The following NT5DC1 variants were observed in gnomAD, a reference collection of about 807,000 sequenced individuals.
The protein encoded by NT5DC1 is 5'-nucleotidase domain containing 1.
In NT5DC1, 42 loss-of-function variants were observed where a neutral mutation model predicts 59.4. That is an observed-to-expected ratio of 0.71 (90% CI 0.55 to 0.92). The LOEUF (loss-of-function observed/expected upper bound fraction) is 0.92, where lower values mean the gene tolerates loss of function less well. NT5DC1 is among the 40% of genes least tolerant of loss of function. NT5DC1 has a pLI of 0.00. For missense variants in NT5DC1, 501 were observed against 537.1 expected (o/e 0.93, Z 0.66); for synonymous variants, 172 against 188.1 (o/e 0.91, Z 0.70).
rs1222288508 is a variant in NT5DC1 at position 116,110,960 on chromosome 6, T to A, written c.364+4T>A. The A allele has an allele frequency of 6.3e-7, 1 of 1,585,610 alleles. No individual in the cohort carries two copies. Among genetic ancestry groups the A allele is most frequent in the African/African-American group, 1.3e-5 (1 of 74,468 alleles). ...ACTGGAATGGCTTGCCGCTCAGGTA[T>A]GACTCAAATGAGGCAGCTCCACCAT... On this transcript the variant is annotated splice_donor_region_variant and intron_variant, in intron 4 of 11. Coordinates refer to ENST00000319550, the MANE Select transcript of NT5DC1 (RefSeq NM_152729.3).
intron 6 of NT5DC1, among the ~76,000 whole-genome samples, chr6:116,153,068 A>C (rs566065096): frequency 6.6e-6 from 1 of 152,008 alleles, no homozygotes; most frequent in African/African-American, 2.4e-5. Context: ...GAGGTAGGCT[A>C]ATATATAACA....
At chr6:116,181,733 A>G (rs1386263306) in intron 6 of NT5DC1, among the ~76,000 whole-genome samples, 3 of 152,242 alleles carry the variant, frequency 2.0e-5, no homozygotes, top group African/African-American at 4.8e-5. Context: ...AAAAAAGTGC[A>G]CAAGATTGAG....
At chr6:116,161,232 C>T (rs1220320187) in intron 6 of NT5DC1, among the ~76,000 whole-genome samples, 1 of 149,948 alleles carries the variant, frequency 6.7e-6, no homozygotes, top group Non-Finnish European at 1.5e-5. Context: ...GGGAGATATA[C>T]CTAATGCTAG....
intron 4 of NT5DC1, among the ~76,000 whole-genome samples, chr6:116,113,529 T>C (rs377421090): frequency 6.6e-6 from 1 of 152,196 alleles, no homozygotes; most frequent in Non-Finnish European, 1.5e-5. Flanking sequence ...TCATGTGGTG[T>C]AGTGTCAGAG....
At chr6:116,164,449 C>T (rs1780416972) in intron 6 of NT5DC1, among the ~76,000 whole-genome samples, 1 of 152,120 alleles carries the variant, frequency 6.6e-6, no homozygotes, top group African/African-American at 2.4e-5. Flanking sequence ...TATCTTTCTC[C>T]ACCCCTTTAC....
At chr6:116,120,298 T>C (rs1779073824) in intron 6 of NT5DC1, 1 of 1,614,120 alleles carries the variant, frequency 6.2e-7, no homozygotes, top group African/African-American at 1.3e-5. Context: ...CATGAGTCCC[T>C]TTCACATGCA....
chr6:116,147,502 G>A lies in NT5DC1; in HGVS notation c.529+29557G>A, dbSNP rs557286233. The stretch of plus-strand genomic sequence containing the variant: ...ACTGGGAGAAAAATTTCCAACTCAT[G>A]TAATGGAGCTATAGTCCTAATATAT... On this transcript the variant is annotated intron_variant, in intron 6 of 11. Coordinates refer to ENST00000319550, the MANE Select transcript of NT5DC1 (RefSeq NM_152729.3). Among the ~76,000 whole-genome samples the A allele has an allele frequency of 2.6e-5, 4 of 152,112 alleles. No homozygotes were observed. The South Asian group carries it at 8.3e-4, about 32-fold the overall frequency.
At chr6:116,117,537 T>C (rs1363009692) in intron 5 of NT5DC1, among the ~76,000 whole-genome samples, 1 of 152,212 alleles carries the variant, frequency 6.6e-6, no homozygotes, top group Non-Finnish European at 1.5e-5. Flanking sequence ...TTAGCCTAGC[T>C]TATCTTAAAC....
At chr6:116,216,571 G>A (rs1293591145) in intron 6 of NT5DC1, among the ~76,000 whole-genome samples, 1 of 151,720 alleles carries the variant, frequency 6.6e-6, no homozygotes, top group Non-Finnish European at 1.5e-5. Context: ...GCTTTTATTT[G>A]AGAGACTTTC....
chr6:116,176,737 A>C (rs575783176), intron 6 of NT5DC1, among the ~76,000 whole-genome samples: 1 of 152,018 alleles, frequency 6.6e-6, no homozygotes, highest in African/African-American at 2.4e-5. Context: ...CTTTTGTTTC[A>C]TTAGCATGAA....
chr6:116,181,094 C>T (rs929306540), intron 6 of NT5DC1, among the ~76,000 whole-genome samples: 10 of 151,674 alleles, frequency 6.6e-5, no homozygotes, highest in African/African-American at 9.7e-5. Flanking sequence ...CAGAGGTACA[C>T]GAGATACATA....
chr6:116,123,430 A>G (rs1327694233), intron 6 of NT5DC1, among the ~76,000 whole-genome samples: 1 of 152,188 alleles, frequency 6.6e-6, no homozygotes, highest in Non-Finnish European at 1.5e-5. Flanking sequence ...CTCAAGGTAA[A>G]ACGACTACTT....
intron 6 of NT5DC1, among the ~76,000 whole-genome samples, chr6:116,138,522 A>ATGCAAAACT: frequency 3.9e-5 from 6 of 152,220 alleles, no homozygotes; most frequent in African/African-American, 1.2e-4. Flanking sequence ...CTAGTTCAGA[A>ATGCAAAACT]TTTGCTAATT....
At chr6:116,162,580 TG>T (rs1266175116) in intron 6 of NT5DC1, among the ~76,000 whole-genome samples, 1 of 152,216 alleles carries the variant, frequency 6.6e-6, no homozygotes, top group Non-Finnish European at 1.5e-5. Context: ...TCACATTTAT[TG>T]ATTTGCATAT....
chr6:116,175,165 A>G (rs1054371857), intron 6 of NT5DC1, among the ~76,000 whole-genome samples: 9 of 152,290 alleles, frequency 5.9e-5, no homozygotes, highest in African/African-American at 1.9e-4. Flanking sequence ...TCATATATAC[A>G]TTTGTATAAT....
intron 6 of NT5DC1, among the ~76,000 whole-genome samples, chr6:116,219,677 C>G (rs1289557219): frequency 1.3e-5 from 2 of 151,954 alleles, no homozygotes; most frequent in African/African-American, 4.8e-5. Context: ...TTCTTCCTGG[C>G]CAGGCATGGT....
intron 6 of NT5DC1, among the ~76,000 whole-genome samples, chr6:116,176,023 A>G (rs1780727186): frequency 6.6e-6 from 1 of 152,166 alleles, no homozygotes; most frequent in Non-Finnish European, 1.5e-5. Context: ...TTGTGTGAAC[A>G]TTAGGCACTG....
At chr6:116,124,228 G>A (rs866502914) in intron 6 of NT5DC1, among the ~76,000 whole-genome samples, 5 of 151,928 alleles carry the variant, frequency 3.3e-5, no homozygotes, top group Non-Finnish European at 5.9e-5. Context: ...GTTCCCAAAA[G>A]CATAATATTT....
intron 8 of NT5DC1, among the ~76,000 whole-genome samples, chr6:116,228,116 C>T (rs1376550792): frequency 2.0e-5 from 3 of 152,144 alleles, no homozygotes; most frequent in Non-Finnish European, 4.4e-5. Flanking sequence ...TGAAGCAGGA[C>T]CAAAAGTCCT....
Sources: gnomAD v4.1 joint callset for allele counts (sites outside exome capture counted in the v4.1 genomes callset) on GRCh38, gnomAD v4.1.1 for gene constraint, MANE v1.5 for transcripts, NCBI Gene and HGNC (gene_info 2026-07-23, HGNC 2026-07-21) for gene names.